GNG7: variants seen among roughly 807,000 people sequenced by gnomAD.
GNG7 encodes the protein G protein subunit gamma 7.
In GNG7, 1 loss-of-function variant was observed where a neutral mutation model predicts 4.0. The ratio of observed to expected loss-of-function variants is 0.25; its 90% CI spans 0.09 to 1.18. The LOEUF (loss-of-function observed/expected upper bound fraction) is 1.18. Ranked by LOEUF, GNG7 falls within the 50% of genes most tolerant of loss-of-function variation. GNG7 has a pLI of 0.50. For missense variants in GNG7, 86 were observed against 91.9 expected, an observed-to-expected ratio of 0.94 and a Z score of 0.26; for synonymous variants, 34 against 36.9, an observed-to-expected ratio of 0.92 and a Z score of 0.29.
chr19:2,682,849 C>T (rs750681438), intron 1 of GNG7, among the ~76,000 whole-genome samples: 17 of 151,802 alleles, frequency 1.1e-4, no homozygotes, highest in East Asian at 7.8e-4. Flanking sequence ...GAGGGGCAAT[C>T]GGAAACCTGC....
At chr19:2,542,735 T>C (rs1275295668) in intron 3 of GNG7, among the ~76,000 whole-genome samples, 3 of 152,128 alleles carry the variant, frequency 2.0e-5, no homozygotes, top group Non-Finnish European at 4.4e-5. Flanking sequence ...ATGGGACTGG[T>C]TGGGGTCTCC....
rs550985143 is a variant in GNG7, at chr19:2,525,583, G to A, written c.-37-4858C>T. Reference sequence around the variant, plus strand: ...CAGACCTGAGCTGATCAGACACGAGGCTCCAGTGCACAGAAGGGCTGAACA... The same window carrying A: ...CAGACCTGAGCTGATCAGACACGAGACTCCAGTGCACAGAAGGGCTGAACA... On this transcript the variant is annotated intron_variant, in intron 3 of 4. Transcript: ENST00000382159. Among the ~76,000 whole-genome samples the A allele has an allele frequency of 2.0e-5, 3 of 152,202 alleles. No individual in the cohort carries two copies. In the South Asian group the frequency reaches 6.2e-4, roughly 31 times the overall value.
chr19:2,553,086 G>A (rs1296310297), intron 3 of GNG7, among the ~76,000 whole-genome samples: 4 of 139,354 alleles, frequency 2.9e-5, no homozygotes, highest in Non-Finnish European at 6.1e-5. Context: ...AGAGCTAGGT[G>A]ATTGACAAAC....
intron 2 of GNG7, among the ~76,000 whole-genome samples, chr19:2,605,055 CCTCTGGAGG>C (rs1394571261): frequency 6.6e-6 from 1 of 152,174 alleles, no homozygotes; most frequent in Non-Finnish European, 1.5e-5. Flanking sequence ...GGCCGTGCTC[CCTCTGGAGG>C]CTCCAGGGGA....
rs35779947 is a variant in GNG7, at chr19:2,689,212, GA to G, written c.-135+13433del. ...TAAAAATAATGCAAAAAAAAAGGGG[GA>G]AAAAAATGCCAATCATACTATGCAT... On this transcript the variant is annotated intron_variant, in intron 1 of 4. Coordinates refer to ENST00000382159, the MANE Select transcript of GNG7 (RefSeq NM_052847.3). Among the ~76,000 whole-genome samples the G allele has an allele frequency of 3.9e-3, 580 of 150,458 alleles. 2 individuals carry two copies. Among genetic ancestry groups the G allele is most frequent in the African/African-American group, 0.011 (464 of 40,960 alleles).
chr19:2,660,187 C>G (rs1335223875), intron 1 of GNG7, among the ~76,000 whole-genome samples: 1 of 152,158 alleles, frequency 6.6e-6, no homozygotes, highest in Non-Finnish European at 1.5e-5. Context: ...TGAACGAAAG[C>G]ATATTCTGGA....
At position 2,695,069 on chromosome 19, in the gene GNG7, T is replaced by C. The variant is rs146413403; in HGVS notation, c.-135+7577A>G. 1.3e-3 allele frequency among the ~76,000 whole-genome samples: 200 copies of C among 152,112 alleles called. 5 individuals carry two copies. The East Asian group carries it at 0.033, about 25-fold the overall frequency. On this transcript the variant is annotated intron_variant, in intron 1 of 4. Coordinates refer to ENST00000382159, the MANE Select transcript of GNG7 (RefSeq NM_052847.3). ...CGTGCATCTGTAGTCCCAGCTACTC[T>C]GGGAGGCTGAGGTGGGAGGATTGCT... is the stretch of plus-strand genomic sequence containing the variant.
rs3752174 is a variant in GNG7 at position 2,514,567 on chromosome 19, C to T, written c.*455G>A. 36,951 of 154,006 alleles carry T rather than the reference C, an allele frequency of 0.24. 5,115 individuals carry two copies. The highest frequency in any genetic ancestry group is 0.41 in the East Asian group (2,141 of 5,228). The allele number at this position is 154,006 out of a possible 1,614,324, so 9.5% of individuals were successfully genotyped here. ...CTACTTAAAAACAACACAAAGCATT[C>T]CAGTGACCCTATGAAGTCTTTTTAC... On this transcript the variant is annotated 3_prime_UTR_variant, in exon 5 of 5. Coordinates refer to ENST00000382159, the MANE Select transcript of GNG7 (RefSeq NM_052847.3).
At chr19:2,696,185 G>GGA (rs1913242041) in intron 1 of GNG7, among the ~76,000 whole-genome samples, 1 of 140,632 alleles carries the variant, frequency 7.1e-6, no homozygotes, top group Admixed American at 7.2e-5. Flanking sequence ...AAGAGAGAGA[G>GGA]GAGAGAGAGG....
At chr19:2,602,701 C>A (rs924727753) in intron 2 of GNG7, among the ~76,000 whole-genome samples, 3 of 152,234 alleles carry the variant, frequency 2.0e-5, no homozygotes, top group African/African-American at 7.2e-5. Context: ...GGACAGCAAG[C>A]CAGAAACGGA....
chr19:2,598,249 G>T (rs995543292), intron 2 of GNG7, among the ~76,000 whole-genome samples: 6 of 152,184 alleles, frequency 3.9e-5, no homozygotes, highest in Non-Finnish European at 8.8e-5. Context: ...GCGGCCGGGC[G>T]CGGTGGCTCA....
At chr19:2,681,521 G>A (rs1042354361) in intron 1 of GNG7, among the ~76,000 whole-genome samples, 1 of 152,016 alleles carries the variant, frequency 6.6e-6, no homozygotes, top group Non-Finnish European at 1.5e-5. Context: ...CTCCCACCTC[G>A]GCCTCCCAAA....
Position 2,611,220 on chromosome 19 carries a change from T to C in GNG7, c.-78+35004A>G, listed in dbSNP as rs1981553426. The C allele has an allele frequency of 6.6e-6, 1 of 152,258 alleles. No homozygotes were observed. Among genetic ancestry groups the C allele is most frequent in the Non-Finnish European group, 1.5e-5 (1 of 68,122 alleles). The allele number at this position is 152,258 out of a possible 1,614,324, so 9.4% of individuals were successfully genotyped here. ...CTGGGAGACGCAGAGTGGGAAATGA[T>C]GACTGGGAGCTGGTATCGCGAATGT... On this transcript the variant is annotated intron_variant, in intron 2 of 4. Coordinates refer to ENST00000382159, the MANE Select transcript of GNG7 (RefSeq NM_052847.3). This position sits in a 1 kb window ranked among gnomAD's most constrained non-coding sequence, Gnocchi z 6.0.
intron 2 of GNG7, among the ~76,000 whole-genome samples, chr19:2,598,581 C>A (rs1257600035): frequency 6.6e-6 from 1 of 151,670 alleles, no homozygotes; most frequent in Non-Finnish European, 1.5e-5. Flanking sequence ...GGTGTGAACC[C>A]AGGAGGCAGA....
At chr19:2,686,998 C>T (rs1192208276) in intron 1 of GNG7, among the ~76,000 whole-genome samples, 9 of 151,490 alleles carry the variant, frequency 5.9e-5, no homozygotes, top group African/African-American at 1.7e-4. Context: ...GTGATCCGCC[C>T]GCCTCGGCCT....
At chr19:2,605,695 G>A (rs1028218142) in intron 2 of GNG7, among the ~76,000 whole-genome samples, 12 of 151,212 alleles carry the variant, frequency 7.9e-5, no homozygotes, top group African/African-American at 2.7e-4. Context: ...TGTATTTTTA[G>A]TAGAGACGGG....
At chr19:2,516,166 A>G (rs1370210652) in intron 4 of GNG7, among the ~76,000 whole-genome samples, 1 of 151,994 alleles carries the variant, frequency 6.6e-6, no homozygotes, top group East Asian at 1.9e-4. Flanking sequence ...GCAGTGAGTC[A>G]AGATTACACC....
At chr19:2,563,839 A>G (rs1177844588) in intron 2 of GNG7, among the ~76,000 whole-genome samples, 2 of 152,172 alleles carry the variant, frequency 1.3e-5, no homozygotes, top group African/African-American at 4.8e-5. Flanking sequence ...TTTTAGCCTA[A>G]TTGTGAACTG....
chr19:2,699,070 G>A (rs1159402415), intron 1 of GNG7, among the ~76,000 whole-genome samples: 2 of 151,320 alleles, frequency 1.3e-5, no homozygotes, highest in Non-Finnish European at 2.9e-5. Context: ...GCTTGCAACT[G>A]ACAACTTCAG....
Sources: allele counts gnomAD v4.1 joint callset (sites outside exome capture counted in the v4.1 genomes callset), GRCh38; gene constraint gnomAD v4.1.1; non-coding constraint Gnocchi (gnomAD v3.1); transcripts MANE v1.5; gene names NCBI Gene and HGNC (gene_info 2026-07-23, HGNC 2026-07-21).